The following CDH12 variants were observed in gnomAD, a reference collection of about 807,000 sequenced individuals.
The protein encoded by CDH12 is cadherin 12.
Under a neutral mutation model 74.1 loss-of-function variants are expected in CDH12, and 41 were observed. That is an observed-to-expected ratio of 0.55 (90% CI 0.43 to 0.72). The LOEUF (loss-of-function observed/expected upper bound fraction) is 0.72. CDH12 is among the 30% of genes least tolerant of loss of function. CDH12 has a pLI of 0.00. For missense variants in CDH12, 945 were observed against 977.2 expected (o/e 0.97, Z 0.44); for synonymous variants, 399 against 355.0 (o/e 1.12, Z -1.39).
At chr5:22,457,739 C>T (rs1310509698) in intron 2 of CDH12, among the ~76,000 whole-genome samples, 1 of 149,572 alleles carries the variant, frequency 6.7e-6, no homozygotes, top group African/African-American at 2.5e-5. Flanking sequence ...CTAACATGCC[C>T]AACTAATTTT....
intron 6 of CDH12, among the ~76,000 whole-genome samples, chr5:21,917,214 A>G (rs1485766631): frequency 6.6e-6 from 1 of 152,108 alleles, no homozygotes; most frequent in African/African-American, 2.4e-5. Flanking sequence ...GGGGAGACAA[A>G]GACAAGAGCT....
chr5:22,472,520 G>A (rs779357235), intron 2 of CDH12, among the ~76,000 whole-genome samples: 9 of 152,088 alleles, frequency 5.9e-5, no homozygotes, highest in South Asian at 2.1e-4. Flanking sequence ...GTTGCTAGAC[G>A]TGTTAAGCTG....
chr5:22,282,250 G>A (rs1369808316), intron 3 of CDH12, among the ~76,000 whole-genome samples: 2 of 152,104 alleles, frequency 1.3e-5, no homozygotes, highest in Non-Finnish European at 2.9e-5. Context: ...ACTCAAGATG[G>A]ATTACAGACT....
At position 22,809,866 on chromosome 5, in the gene CDH12, T is replaced by C. The variant is rs1749047739; in HGVS notation, c.-523+43192A>G. On this transcript the variant is annotated intron_variant, in intron 1 of 14. Transcript: ENST00000382254. ...TCAATAAAATATCTACTAGTTCAAA[T>C]GGTGTAAAATGTTATATGAAAAGTT... is the stretch of plus-strand genomic sequence containing the variant. Among the ~76,000 whole-genome samples, 3 of 152,060 alleles carry C rather than the reference T, an allele frequency of 2.0e-5. No homozygotes were observed. The South Asian group carries it at 6.2e-4, about 31-fold the overall frequency.
intron 2 of CDH12, among the ~76,000 whole-genome samples, chr5:22,440,682 T>C (rs1333145947): frequency 6.6e-6 from 1 of 152,134 alleles, no homozygotes; most frequent in East Asian, 1.9e-4. Flanking sequence ...CCTTGGTTCC[T>C]GTCCTCATGT....
intron 3 of CDH12, among the ~76,000 whole-genome samples, chr5:22,374,511 G>T (rs1333674426): frequency 6.6e-6 from 1 of 152,084 alleles, no homozygotes; most frequent in African/African-American, 2.4e-5. Flanking sequence ...AAAAGAAGAA[G>T]TTGAATTATT....
In CDH12 at chr5:22,701,729, C is replaced by T. The variant is rs150382263; in HGVS notation, c.-523+151329G>A. ...CATATCATTTCAATCTCAGTTCAAA[C>T]ACTATCTTCTGAAAACCTTTTCCCT... On this transcript the variant is annotated intron_variant, in intron 1 of 14. Transcript: ENST00000382254. 2.0e-3 allele frequency among the ~76,000 whole-genome samples: 302 copies of T among 152,238 alleles called. 3 individuals are homozygous for T. Among genetic ancestry groups the T allele is most frequent in the African/African-American group, 7.1e-3 (293 of 41,552 alleles).
At chr5:22,633,943 A>G (rs1738706983) in intron 1 of CDH12, among the ~76,000 whole-genome samples, 1 of 152,210 alleles carries the variant, frequency 6.6e-6, no homozygotes, top group Admixed American at 6.5e-5. Context: ...ATTAGCACGT[A>G]AATGAACAAT....
chr5:21,852,164 G>T (rs1204557915), intron 7 of CDH12, among the ~76,000 whole-genome samples: 2 of 151,294 alleles, frequency 1.3e-5, no homozygotes, highest in African/African-American at 2.4e-5. Flanking sequence ...AATGGTTTCT[G>T]TGCATGAAGA....
At chr5:22,263,348 G>T (rs1057487791) in intron 3 of CDH12, among the ~76,000 whole-genome samples, 2 of 151,884 alleles carry the variant, frequency 1.3e-5, no homozygotes, top group African/African-American at 4.8e-5. Context: ...TAAAAATAAA[G>T]AAAGAAAGGA....
chr5:22,789,795 A>G (rs1198050556), intron 1 of CDH12, among the ~76,000 whole-genome samples: 1 of 151,940 alleles, frequency 6.6e-6, no homozygotes, highest in African/African-American at 2.4e-5. Context: ...TGAACTTTGA[A>G]GTGAGTTCAT....
At chr5:21,940,855 C>G (rs1755296857) in intron 6 of CDH12, among the ~76,000 whole-genome samples, 1 of 152,008 alleles carries the variant, frequency 6.6e-6, no homozygotes, top group Admixed American at 6.6e-5. Context: ...CTCTCTCTCT[C>G]TCTCACACAC....
chr5:21,982,250 G>A (rs1757335941), intron 5 of CDH12, among the ~76,000 whole-genome samples: 2 of 152,006 alleles, frequency 1.3e-5, no homozygotes, highest in African/African-American at 4.8e-5. Flanking sequence ...TTCAAGCTGA[G>A]ACACTGGAAT....
chr5:22,133,609 A>T (rs1218369125), intron 4 of CDH12, among the ~76,000 whole-genome samples: 1 of 152,070 alleles, frequency 6.6e-6, no homozygotes, highest in Admixed American at 6.6e-5. Flanking sequence ...ATAATTCAAA[A>T]ATCTGATTGT....
At chr5:22,324,984 T>C (rs970577220) in intron 3 of CDH12, among the ~76,000 whole-genome samples, 3 of 152,172 alleles carry the variant, frequency 2.0e-5, no homozygotes, top group Admixed American at 2.0e-4. Context: ...CCTATACCTA[T>C]AGAATGCCAT....
chr5:21,971,522 T>C (rs1180515385), intron 6 of CDH12, among the ~76,000 whole-genome samples: 2 of 152,072 alleles, frequency 1.3e-5, no homozygotes, highest in African/African-American at 2.4e-5. Context: ...ATATCATAGG[T>C]TAGATATCTA....
chr5:22,654,138 T>C (rs567887893), intron 1 of CDH12, among the ~76,000 whole-genome samples: 2 of 150,574 alleles, frequency 1.3e-5, no homozygotes, highest in East Asian at 2.0e-4. Context: ...TCCCTTCCCC[T>C]TCCTTTCTTT....
intron 1 of CDH12, among the ~76,000 whole-genome samples, chr5:22,685,823 C>T (rs1271736808): frequency 6.6e-6 from 1 of 152,150 alleles, no homozygotes; most frequent in African/African-American, 2.4e-5. Context: ...GTTGTTTCCA[C>T]TCTTTCAGTA....
intron 2 of CDH12, among the ~76,000 whole-genome samples, chr5:22,424,315 G>A (rs939372560): frequency 5.9e-5 from 9 of 152,126 alleles, no homozygotes; most frequent in Middle Eastern, 3.2e-3. Context: ...AAAAGCACTT[G>A]CAGAGTACGG....
Sources: gnomAD v4.1 joint callset for allele counts (sites outside exome capture counted in the v4.1 genomes callset) on GRCh38, gnomAD v4.1.1 for gene constraint, MANE v1.5 for transcripts, NCBI Gene and HGNC (gene_info 2026-07-23, HGNC 2026-07-21) for gene names.